The following KDELR2 variants were observed in gnomAD, a reference collection of about 807,000 sequenced individuals.
KDELR2 encodes ER lumen protein-retaining receptor 2.
KDELR2 carries 15 observed loss-of-function variants against 23.9 expected under a neutral mutation model. The observed-to-expected ratio is 0.63, with a 90% CI of 0.42 to 0.97. KDELR2 has a LOEUF of 0.97. Among genes scored for constraint, KDELR2 ranks in the 50% least tolerant of loss-of-function variants. The pLI is 0.00. For missense variants in KDELR2, 272 were observed against 254.6 expected, an observed-to-expected ratio of 1.07 and a Z score of -0.46; for synonymous variants, 119 against 106.2, an observed-to-expected ratio of 1.12 and a Z score of -0.74.
At chr7:6,478,973 T>C (rs1785819799) in intron 1 of KDELR2, among the ~76,000 whole-genome samples, 1 of 151,820 alleles carries the variant, frequency 6.6e-6, no homozygotes, top group Non-Finnish European at 1.5e-5. Context: ...GTAATTTTAG[T>C]AGAGATGGGT....
At chr7:6,483,601 G>C (rs540610549) in intron 1 of KDELR2, among the ~76,000 whole-genome samples, 3 of 152,314 alleles carry the variant, frequency 2.0e-5, no homozygotes, top group Admixed American at 6.5e-5. Context: ...GGACCCCCAC[G>C]GGAGATCCCG....
chr7:6,479,570 G>A (rs764150081), intron 1 of KDELR2, among the ~76,000 whole-genome samples: 4 of 152,176 alleles, frequency 2.6e-5, no homozygotes, highest in Non-Finnish European at 4.4e-5. Flanking sequence ...TCCACCTCTC[G>A]GGTTCATGCC....
At chr7:6,471,116 A>G (rs1442553670) in intron 2 of KDELR2, among the ~76,000 whole-genome samples, 2 of 62,636 alleles carry the variant, frequency 3.2e-5, no homozygotes, top group Non-Finnish European at 6.9e-5. Context: ...CTCTGTCTCA[A>G]AAAAAATAAA....
At chr7:6,481,772 G>C (rs1041850135) in intron 1 of KDELR2, among the ~76,000 whole-genome samples, 3 of 152,030 alleles carry the variant, frequency 2.0e-5, no homozygotes, top group African/African-American at 7.2e-5. Context: ...AACATCATCT[G>C]AGTGTAACAA....
At chr7:6,473,079 TGTA>T (rs1785685656) in intron 2 of KDELR2, among the ~76,000 whole-genome samples, 1 of 103,044 alleles carries the variant, frequency 9.7e-6, no homozygotes, top group African/African-American at 3.7e-5. Context: ...GGCTAATTTT[TGTA>T]TTTTTTTTTT....
Position 6,473,622 on chromosome 7 carries a change from C to T in KDELR2, c.192+562G>A, listed in dbSNP as rs73342995. On this transcript the variant is annotated intron_variant, in intron 2 of 4. Transcript: ENST00000258739. ...ACAAGTTGAAAGGTTTAAAAAAATA[C>T]GTTACTAAGTAAATGATGGTATAGA... Among the ~76,000 whole-genome samples the T allele has an allele frequency of 3.3e-5, 5 of 152,178 alleles. No individual in the cohort carries two copies. In the East Asian group the frequency reaches 5.8e-4, roughly 18 times the overall value.
chr7:6,477,029 T>C (rs1229277531), intron 1 of KDELR2, among the ~76,000 whole-genome samples: 1 of 152,240 alleles, frequency 6.6e-6, no homozygotes, highest in Non-Finnish European at 1.5e-5. Flanking sequence ...TTTATCTTCA[T>C]GTCATGGGGT....
rs1274681181 is a variant in KDELR2, at chr7:6,462,733, A to C, written c.*408T>G. On this transcript the variant is annotated 3_prime_UTR_variant, in exon 5 of 5. Transcript: ENST00000258739. ...GAATGCAAGTTTGAGGGATGGAAGA[A>C]TATATAATCTATCAACTGTCAAGGA... The C allele has an allele frequency of 4.4e-5, 18 of 407,890 alleles. No homozygotes were observed. The East Asian group carries it at 7.0e-4, about 16-fold the overall frequency. The allele number at this position is 407,890 out of a possible 1,614,324, so 25.3% of individuals were successfully genotyped here.
At chr7:6,469,295 A>G (rs1349273444) in intron 3 of KDELR2, among the ~76,000 whole-genome samples, 1 of 149,922 alleles carries the variant, frequency 6.7e-6, no homozygotes, top group Non-Finnish European at 1.5e-5. Context: ...TTGCTCTGTC[A>G]CCCAGGCTGG....
intron 2 of KDELR2, among the ~76,000 whole-genome samples, chr7:6,473,376 C>A (rs772530901): frequency 6.6e-6 from 1 of 152,112 alleles, no homozygotes; most frequent in Non-Finnish European, 1.5e-5. Flanking sequence ...CAGTTCCCAG[C>A]TCTGTAGGTG....
At chr7:6,483,776 A>G (rs1369697873) in intron 1 of KDELR2, among the ~76,000 whole-genome samples, 191 bp downstream of exon 1, 2 of 151,680 alleles carry the variant, frequency 1.3e-5, no homozygotes, top group East Asian at 3.9e-4. Context: ...GCGCTGCGAC[A>G]CCCGGCCCGG....
chr7:6,465,487 G>A (rs79821098), intron 4 of KDELR2, among the ~76,000 whole-genome samples: 15,117 of 73,160 alleles, frequency 0.21, 816 homozygotes, highest in Admixed American at 0.28. Context: ...TGGCATAAAT[G>A]TTTTTTTTTT....
chr7:6,464,734 CTTTTTTT>C (rs201529691), intron 4 of KDELR2, among the ~76,000 whole-genome samples: 7 of 111,232 alleles, frequency 6.3e-5, no homozygotes, highest in South Asian at 5.3e-4. Context: ...TCTTTTTTTT[CTTTTTTT>C]TTTTTTTTTT....
chr7:6,476,049 A>G (rs997268529), intron 1 of KDELR2, among the ~76,000 whole-genome samples: 6 of 152,134 alleles, frequency 3.9e-5, no homozygotes, highest in African/African-American at 1.4e-4. Flanking sequence ...AGTAGCTGGG[A>G]CTACAGGTGG....
rs778090034 is a variant in KDELR2, at chr7:6,474,273, T to C, written c.103A>G (p.Lys35Glu). 7.4e-6 allele frequency: 12 copies of C among 1,611,742 alleles called. No homozygotes were observed. Among genetic ancestry groups the C allele is most frequent in the South Asian group, 1.1e-5 (1 of 91,026 alleles). ...ACCAGTGCAAACAGAAGCTGGCTTT[T>C]CCCAGAAATACCTAGAGAAACAGAA... ...KTRSCAGISG[K>E]SQLLFALVFT... Residue 35 changes from lysine (K) to glutamate (E), a missense_variant, in exon 2 of 5, where the codon AAA becomes GAA. Coordinates refer to ENST00000258739, the MANE Select transcript of KDELR2 (RefSeq NM_006854.4).
intron 3 of KDELR2, among the ~76,000 whole-genome samples, chr7:6,467,932 C>G (rs1179451375): frequency 6.6e-6 from 1 of 152,168 alleles, no homozygotes; most frequent in Non-Finnish European, 1.5e-5. Context: ...CACAAACCAG[C>G]TTTCCTAAAG....
chr7:6,467,013 AG>A (rs1785517812), intron 3 of KDELR2, among the ~76,000 whole-genome samples: 1 of 152,190 alleles, frequency 6.6e-6, no homozygotes, highest in African/African-American at 2.4e-5. Context: ...CATAAATCAC[AG>A]AAACTTAAGC....
chr7:6,482,733 C>T (rs1038814414), intron 1 of KDELR2: 1 of 225,290 alleles, frequency 4.4e-6, no homozygotes, highest in African/African-American at 2.3e-5. Flanking sequence ...TTGAGTTCAA[C>T]AAAAATTATT....
rs1265127000 is a variant in KDELR2 at position 6,469,611 on chromosome 7, A to G, written c.336T>C (p.Asp112=). 4 of 1,613,870 alleles carry G rather than the reference A, an allele frequency of 2.5e-6. No homozygotes were observed. Among genetic ancestry groups the G allele is most frequent in the African/African-American group, 1.3e-5 (1 of 74,890 alleles). The part of the protein sequence containing the change: ...VGGLSFLVNH[D]FSPLEILWTF... ...TTAAACTAACCTCAAGAGGAGAGAA[A>G]TCGTGATTAACTAAAAATGAGAGGC... Residue 112 remains aspartate, a synonymous_variant, in exon 3 of 5, where the codon GAT becomes GAC. Coordinates refer to ENST00000258739, the MANE Select transcript of KDELR2 (RefSeq NM_006854.4).
Sources: allele counts gnomAD v4.1 joint callset (sites outside exome capture counted in the v4.1 genomes callset), GRCh38; gene constraint gnomAD v4.1.1; transcripts MANE v1.5; gene names NCBI Gene and HGNC (gene_info 2026-07-23, HGNC 2026-07-21).